FBXL17: variants seen among roughly 807,000 people sequenced by gnomAD.
FBXL17 encodes F-box/LRR-repeat protein 17.
Under a neutral mutation model 66.2 loss-of-function variants are expected in FBXL17, and 22 were observed. That is an observed-to-expected ratio of 0.33 (90% CI 0.24 to 0.47). FBXL17 has a LOEUF of 0.47. FBXL17 is among the 20% of genes least tolerant of loss of function. FBXL17 has a pLI of 1.00. For synonymous variants in FBXL17, 474 were observed against 400.5 expected (o/e 1.18, Z -2.19); for missense variants, 878 against 948.2 (o/e 0.93, Z 0.97).
At chr5:108,127,055 T>C (rs888228630) in intron 6 of FBXL17, among the ~76,000 whole-genome samples, 2 of 152,150 alleles carry the variant, frequency 1.3e-5, no homozygotes, top group Non-Finnish European at 2.9e-5. Flanking sequence ...TAAACATGAT[T>C]TTATTAACAT....
At chr5:108,110,330 A>T (rs1310429587) in intron 6 of FBXL17, among the ~76,000 whole-genome samples, 1 of 152,250 alleles carries the variant, frequency 6.6e-6, no homozygotes, top group Non-Finnish European at 1.5e-5. Context: ...CAACTGAAAT[A>T]GACTAAAGTA....
At chr5:108,158,752 G>A (rs574888664) in intron 6 of FBXL17, among the ~76,000 whole-genome samples, 2 of 152,290 alleles carry the variant, frequency 1.3e-5, no homozygotes, top group Admixed American at 6.5e-5. Context: ...ATGCAGATAA[G>A]TGGAATGTCT....
intron 7 of FBXL17, among the ~76,000 whole-genome samples, chr5:107,960,749 T>C (rs1032740004): frequency 2.0e-5 from 3 of 152,186 alleles, no homozygotes; most frequent in Non-Finnish European, 4.4e-5. Flanking sequence ...CTACTACTAC[T>C]ACAACTGAAA....
At chr5:108,111,257 AAG>A (rs56861409) in intron 6 of FBXL17, among the ~76,000 whole-genome samples, 18,157 of 152,092 alleles carry the variant, frequency 0.12, 1,304 homozygotes, top group Admixed American at 0.16. Context: ...AAAAAGAAGA[AAG>A]AGGGAGCAGC....
intron 6 of FBXL17, among the ~76,000 whole-genome samples, chr5:108,169,557 G>A (rs1455090042): frequency 6.6e-6 from 1 of 152,004 alleles, no homozygotes; most frequent in African/African-American, 2.4e-5. Context: ...TTATCCCCCT[G>A]TATTTAGTTT....
intron 7 of FBXL17, among the ~76,000 whole-genome samples, chr5:107,978,756 C>G (rs1007494035): frequency 6.6e-6 from 1 of 152,200 alleles, no homozygotes; most frequent in Non-Finnish European, 1.5e-5. Context: ...AATCTCCAAG[C>G]CTTCGGAGAG....
Position 108,381,731 on chromosome 5 carries a change from G to T in FBXL17, c.-40C>A, listed in dbSNP as rs979877241. ...GGAGGGGGACCGGGACGGGAGGGAGGGAGACCCAGAGAGGCGGGCTCCCGG... is the reference window on the plus strand; with the variant it reads ...GGAGGGGGACCGGGACGGGAGGGAGTGAGACCCAGAGAGGCGGGCTCCCGG... On this transcript the variant is annotated 5_prime_UTR_variant, in exon 1 of 9. Coordinates refer to ENST00000542267, the MANE Select transcript of FBXL17 (RefSeq NM_001163315.3). 1.1e-5 allele frequency: 15 copies of T among 1,400,394 alleles called. No individual in the cohort carries two copies. The highest frequency in any genetic ancestry group is 2.3e-4 in the Middle Eastern group (1 of 4,310). 86.7% of individuals were successfully genotyped at this position (1,400,394 alleles called of 1,614,324 possible).
intron 7 of FBXL17, among the ~76,000 whole-genome samples, chr5:107,962,830 T>A (rs1751972934): frequency 6.6e-6 from 1 of 152,084 alleles, no homozygotes; most frequent in African/African-American, 2.4e-5. Context: ...AGTTATTTCA[T>A]GATCTATATA....
chr5:108,012,955 C>A (rs574016432), intron 7 of FBXL17, among the ~76,000 whole-genome samples: 2 of 141,044 alleles, frequency 1.4e-5, no homozygotes, highest in East Asian at 4.4e-4. Flanking sequence ...GCGGAGGTTG[C>A]GTCAGCCAAG....
chr5:108,164,777 C>A (rs1392779272), intron 6 of FBXL17, among the ~76,000 whole-genome samples: 2 of 152,126 alleles, frequency 1.3e-5, no homozygotes, highest in South Asian at 2.1e-4. Flanking sequence ...AAGTAACTTG[C>A]GCAATGACAA....
chr5:108,196,740 T>C (rs1393043589), intron 5 of FBXL17, among the ~76,000 whole-genome samples: 1 of 152,210 alleles, frequency 6.6e-6, no homozygotes, highest in Non-Finnish European at 1.5e-5. Context: ...TACATGCTTT[T>C]AAAGTTCTTC....
chr5:108,360,362 C>G (rs1748266208), intron 3 of FBXL17, among the ~76,000 whole-genome samples: 1 of 152,080 alleles, frequency 6.6e-6, no homozygotes, highest in Non-Finnish European at 1.5e-5. Context: ...TTGACAAATA[C>G]AGAATTCTTG....
chr5:108,055,636 G>GAGA lies in FBXL17; in HGVS notation c.1746-34636_1746-34635insTCT, dbSNP rs1162333463. 6.8e-4 allele frequency among the ~76,000 whole-genome samples: 93 copies of GAGA among 136,650 alleles called. 2 individuals carry two copies. In the Middle Eastern group the frequency reaches 0.012, roughly 18 times the overall value. 89.6% of individuals were successfully genotyped at this position (136,650 alleles called of 152,430 possible). A position where few individuals can be genotyped will look rare whatever the true frequency, so the allele number is the denominator to read the frequency against. The stretch of plus-strand genomic sequence containing the variant: ...AAAAAAAAAAAAAAAAAAAAAGAGA[G>GAGA]AAAAAACCCTTCAAAATAAAAATGG... On this transcript the variant is annotated intron_variant, in intron 6 of 8. Transcript: ENST00000542267.
rs141866539 is a variant in FBXL17 at position 108,150,679 on chromosome 5, C to T, written c.1745+35438G>A. The stretch of plus-strand genomic sequence containing the variant: ...TCCATAATCTTGATTTGTCTGATTG[C>T]TTCCTTGTGATTAAATTCAGATTAA... On this transcript the variant is annotated intron_variant, in intron 6 of 8. Coordinates refer to ENST00000542267, the MANE Select transcript of FBXL17 (RefSeq NM_001163315.3). Among the ~76,000 whole-genome samples the T allele has an allele frequency of 2.7e-3, 410 of 152,228 alleles. 2 individuals are homozygous for T. Among genetic ancestry groups the T allele is most frequent in the African/African-American group, 9.3e-3 (385 of 41,532 alleles).
chr5:108,277,808 T>C (rs965989777), intron 4 of FBXL17, among the ~76,000 whole-genome samples: 12 of 152,230 alleles, frequency 7.9e-5, no homozygotes, highest in African/African-American at 2.9e-4. Context: ...TTCCAGTGCA[T>C]ATAAAAGGTG....
chr5:108,293,098 CAA>C (rs1390083749), intron 4 of FBXL17, among the ~76,000 whole-genome samples: 1 of 92,568 alleles, frequency 1.1e-5, no homozygotes. Flanking sequence ...AAAAAAAAAA[CAA>C]AAAAAAAAAA....
chr5:107,905,764 T>G (rs1053976257), intron 7 of FBXL17, among the ~76,000 whole-genome samples: 1 of 152,210 alleles, frequency 6.6e-6, no homozygotes, highest in African/African-American at 2.4e-5. Flanking sequence ...CTGGAATTAT[T>G]TCCATAGTGG....
intron 6 of FBXL17, among the ~76,000 whole-genome samples, chr5:108,149,681 T>C (rs1751694194): frequency 6.6e-6 from 1 of 152,354 alleles, no homozygotes; most frequent in Middle Eastern, 3.4e-3. Flanking sequence ...TAGTAAGTCA[T>C]ATTCAGTTCT....
rs1412730665 is a variant in FBXL17 at position 108,154,290 on chromosome 5, A to G, written c.1745+31827T>C. Among the ~76,000 whole-genome samples, 128 of 73,892 alleles carry G rather than the reference A, an allele frequency of 1.7e-3. 1 individual carries two copies. In the East Asian group the frequency reaches 0.052, roughly 30 times the overall value. 48.5% of individuals were successfully genotyped at this position (73,892 alleles called of 152,430 possible). A position where few individuals can be genotyped will look rare whatever the true frequency, so the allele number is the denominator to read the frequency against. On this transcript the variant is annotated intron_variant, in intron 6 of 8. Coordinates refer to ENST00000542267, the MANE Select transcript of FBXL17 (RefSeq NM_001163315.3). ...CAGTGTGGAAAGGATCACAGCTGAA[A>G]AAAAAAAAAAAAAAAAAGATATGCC...
Sources: allele counts gnomAD v4.1 joint callset (sites outside exome capture counted in the v4.1 genomes callset), GRCh38; gene constraint gnomAD v4.1.1; transcripts MANE v1.5; gene names NCBI Gene and HGNC (gene_info 2026-07-23, HGNC 2026-07-21).